XRCC5: variants seen among roughly 807,000 people sequenced by gnomAD.
The protein encoded by XRCC5 is DNA repair protein Ku80.
Under a neutral mutation model 95.7 loss-of-function variants are expected in XRCC5, and 12 were observed. The ratio of observed to expected loss-of-function variants is 0.13; its 90% CI spans 0.08 to 0.20. The LOEUF is 0.20. Ranked by LOEUF, XRCC5 falls within the 10% of genes least tolerant of loss-of-function variation. The probability of loss-of-function intolerance (pLI) is 1.00; values close to 1 mark genes in which losing one functional copy is unlikely to be tolerated. For synonymous variants in XRCC5, 281 were observed against 290.3 expected (o/e 0.97, Z 0.33); for missense variants, 595 against 873.9 (o/e 0.68, Z 4.02).
rs756429714 is a variant in XRCC5, at chr2:216,138,071, C to T, written c.1252-18C>T. ...TAATTTCATCGTTTCTGCTTTTACC[C>T]CCTTTCTTTCTCATTAGTGTTTAGT... On this transcript the variant is annotated intron_variant, in intron 11 of 20. Transcript: ENST00000392132. 1.3e-6 allele frequency: 2 copies of T among 1,574,214 alleles called. No individual in the cohort carries two copies. The highest frequency in any genetic ancestry group is 1.1e-5 in the South Asian group (1 of 87,516).
intron 10 of XRCC5, among the ~76,000 whole-genome samples, chr2:216,132,887 T>C (rs1367496312): frequency 6.6e-6 from 1 of 152,204 alleles, no homozygotes; most frequent in East Asian, 1.9e-4. Flanking sequence ...TCTGTAAATA[T>C]TTACTGTTTG....
intron 4 of XRCC5, among the ~76,000 whole-genome samples, chr2:216,118,122 A>G (rs566505339): frequency 9.2e-5 from 14 of 151,840 alleles, no homozygotes; most frequent in African/African-American, 2.9e-4. Context: ...TATTAAGTGC[A>G]TGGTAACTCT....
chr2:216,132,616 A>G (rs953932265), intron 10 of XRCC5, among the ~76,000 whole-genome samples: 1 of 152,132 alleles, frequency 6.6e-6, no homozygotes, highest in East Asian at 1.9e-4. Flanking sequence ...AACATTTTGA[A>G]CCACTGCATT....
At chr2:216,178,426 T>TTG (rs1689318256) in intron 16 of XRCC5, among the ~76,000 whole-genome samples, 1 of 152,222 alleles carries the variant, frequency 6.6e-6, no homozygotes, top group African/African-American at 2.4e-5. Flanking sequence ...ATGCCCTGTA[T>TTG]TGTGATCAAG....
At chr2:216,173,627 A>G (rs1169319129) in intron 16 of XRCC5, among the ~76,000 whole-genome samples, 1 of 152,238 alleles carries the variant, frequency 6.6e-6, no homozygotes. Flanking sequence ...AATGTCACCC[A>G]AAGTTTATGT....
chr2:216,116,758 G>C lies in XRCC5; in HGVS notation c.235G>C (p.Val79Leu). 1 of 1,614,208 alleles carries C rather than the reference G, an allele frequency of 6.2e-7. No homozygotes were observed. ...SGGDQYQNIT[V>L]HRHLMLPDFD... is the part of the protein sequence containing the mutation. ...TGGGGATCAGTATCAGAACATCACA[G>C]TGCACAGACATCTGATGCTACCAGA... Residue 79 changes from valine (V) to leucine (L), a missense_variant, in exon 3 of 21, where the codon GTG (valine) becomes CTG (leucine). Val to Leu is a conservative substitution (Grantham distance 32). Around this residue, in one of 2 missense-constraint regions of XRCC5, gnomAD observed 286 missense variants for 491.1 expected, o/e 0.58. Transcript: ENST00000392132.
intron 19 of XRCC5, among the ~76,000 whole-genome samples, chr2:216,200,467 C>G (rs1392980719): frequency 6.6e-6 from 1 of 152,132 alleles, no homozygotes; most frequent in Non-Finnish European, 1.5e-5. Flanking sequence ...ATGAAAATAT[C>G]ACAGTGTTAC....
At chr2:216,132,626 T>C (rs929500105) in intron 10 of XRCC5, among the ~76,000 whole-genome samples, 1 of 152,244 alleles carries the variant, frequency 6.6e-6, no homozygotes, top group African/African-American at 2.4e-5. Context: ...ACCACTGCAT[T>C]TAGGAATGGG....
chr2:216,175,310 C>T (rs207936), intron 16 of XRCC5: 115,907 of 450,836 alleles, frequency 0.26, 17,439 homozygotes, highest in Non-Finnish European at 0.33. Flanking sequence ...GCCTCCTCTT[C>T]CACCAAAGTT....
intron 11 of XRCC5, among the ~76,000 whole-genome samples, 198 bp from the exon 12 acceptor site, chr2:216,137,891 C>T (rs1436093930): frequency 6.6e-6 from 1 of 152,152 alleles, no homozygotes; most frequent in Non-Finnish European, 1.5e-5. Context: ...TTCTCTTATG[C>T]TTAATATTCT....
At chr2:216,187,864 C>T (rs1158418863) in intron 16 of XRCC5, among the ~76,000 whole-genome samples, 26 of 143,902 alleles carry the variant, frequency 1.8e-4, no homozygotes, top group Non-Finnish European at 2.4e-4. Context: ...CTCTCTCTCC[C>T]CGTCTCCCTG....
chr2:216,182,621 A>G (rs1689411217), intron 16 of XRCC5, among the ~76,000 whole-genome samples: 2 of 152,160 alleles, frequency 1.3e-5, no homozygotes, highest in African/African-American at 4.8e-5. Flanking sequence ...GGCATATGGC[A>G]TATATATTTC....
chr2:216,167,341 T>C (rs1553575367), intron 16 of XRCC5, among the ~76,000 whole-genome samples: 1 of 152,322 alleles, frequency 6.6e-6, no homozygotes, highest in Non-Finnish European at 1.5e-5. Context: ...AATTCACTTT[T>C]TCCAAGCAAT....
chr2:216,122,899 A>G (rs1156541103), intron 6 of XRCC5, among the ~76,000 whole-genome samples: 1 of 152,232 alleles, frequency 6.6e-6, no homozygotes, highest in Non-Finnish European at 1.5e-5. Context: ...ATCCAGCTAG[A>G]GACTATGGAA....
intron 16 of XRCC5, among the ~76,000 whole-genome samples, chr2:216,165,097 T>C (rs1689030321): frequency 6.6e-6 from 1 of 152,234 alleles, no homozygotes; most frequent in Non-Finnish European, 1.5e-5. Context: ...GGAGATGCAT[T>C]TTCCCAAAGA....
At chr2:216,139,370 T>TTACA (rs1697138896) in intron 12 of XRCC5, among the ~76,000 whole-genome samples, 1 of 151,402 alleles carries the variant, frequency 6.6e-6, no homozygotes, top group Non-Finnish European at 1.5e-5. Flanking sequence ...CGAAAGGCAC[T>TTACA]TACATGGTGG....
chr2:216,122,753 GAAA>G (rs145039527), intron 6 of XRCC5, among the ~76,000 whole-genome samples: 1 of 132,362 alleles, frequency 7.6e-6, no homozygotes, highest in African/African-American at 2.8e-5. Flanking sequence ...TTGATTGAGT[GAAA>G]AAAAAAAAAA....
chr2:216,166,498 C>G (rs927907504), intron 16 of XRCC5, among the ~76,000 whole-genome samples: 1 of 152,174 alleles, frequency 6.6e-6, no homozygotes, highest in Admixed American at 6.5e-5. Context: ...TCCCTACATA[C>G]ACTATTCATA....
chr2:216,180,768 A>G (rs1392386263), intron 16 of XRCC5, among the ~76,000 whole-genome samples: 2 of 151,822 alleles, frequency 1.3e-5, no homozygotes, highest in African/African-American at 4.8e-5. Context: ...GACTTTCTCC[A>G]GAAATAAGCA....
Sources: gnomAD v4.1 joint callset for allele counts (sites outside exome capture counted in the v4.1 genomes callset) on GRCh38, gnomAD v4.1.1 for gene constraint, gnomAD v4.1.1 regional missense constraint, MANE v1.5 for transcripts, NCBI Gene and HGNC (gene_info 2026-07-23, HGNC 2026-07-21) for gene names.